HTATIP2: variants seen among roughly 807,000 people sequenced by gnomAD.
HTATIP2 encodes HIV-1 Tat interactive protein 2, also known as protein HTATIP2.
A neutral mutation model predicts 24.7 loss-of-function variants in HTATIP2; 26 were observed. The ratio of observed to expected loss-of-function variants is 1.05; its 90% CI spans 0.77 to 1.46. The LOEUF (loss-of-function observed/expected upper bound fraction) is 1.46. Ranked by LOEUF, HTATIP2 falls within the 40% of genes most tolerant of loss-of-function variation. The pLI is 0.00. For missense variants in HTATIP2, 284 were observed against 289.6 expected (o/e 0.98, Z 0.14); for synonymous variants, 99 against 113.2 (o/e 0.87, Z 0.79).
At chr11:20,381,018 G>C (rs1230386889) in intron 3 of HTATIP2, among the ~76,000 whole-genome samples, 1 of 152,176 alleles carries the variant, frequency 6.6e-6, no homozygotes, top group Non-Finnish European at 1.5e-5. Flanking sequence ...TAGGTCCCCA[G>C]AGGGTAGGGT....
chr11:20,366,203 G>A (rs1432216073), intron 1 of HTATIP2, among the ~76,000 whole-genome samples: 19 of 142,630 alleles, frequency 1.3e-4, no homozygotes, highest in African/African-American at 4.7e-4. Flanking sequence ...CTGGGTTCAC[G>A]CCATTCTCCT....
chr11:20,373,604 AAAC>A (rs908157082), intron 2 of HTATIP2, among the ~76,000 whole-genome samples: 4 of 152,204 alleles, frequency 2.6e-5, no homozygotes, highest in Admixed American at 6.5e-5. Flanking sequence ...AATCTTGCTA[AAAC>A]AACAACAACA....
intron 3 of HTATIP2, among the ~76,000 whole-genome samples, chr11:20,381,637 C>G (rs1261225672): frequency 6.6e-6 from 1 of 152,064 alleles, no homozygotes; most frequent in African/African-American, 2.4e-5. Flanking sequence ...GGGCTGAGCT[C>G]CTCAGGCATT....
intron 3 of HTATIP2, among the ~76,000 whole-genome samples, chr11:20,380,558 G>T (rs1366312475): frequency 1.3e-5 from 2 of 151,786 alleles, no homozygotes; most frequent in African/African-American, 2.4e-5. Context: ...TGTAGTCCCA[G>T]CTGCTCGGGA....
rs554721191 is a variant in HTATIP2 at position 20,370,033 on chromosome 11, A to G, written c.303+2752A>G. On this transcript the variant is annotated intron_variant, in intron 2 of 4. Transcript: ENST00000451739. The stretch of plus-strand genomic sequence containing the variant: ...GCACTGGCTCCCTGACTTGGCCCTG[A>G]TCCAGATCTACTGCATCAGCATCTC... 2.0e-5 allele frequency among the ~76,000 whole-genome samples: 3 copies of G among 152,326 alleles called. No individual in the cohort carries two copies. The South Asian group carries it at 6.2e-4, about 32-fold the overall frequency.
intron 1 of HTATIP2, among the ~76,000 whole-genome samples, chr11:20,365,985 A>G (rs1439130721): frequency 4.6e-5 from 7 of 151,290 alleles, no homozygotes; most frequent in East Asian, 1.9e-4. Flanking sequence ...AAAAAAAAAA[A>G]AAAAGAAAAG....
Position 20,364,201 on chromosome 11 carries a change from C to T in HTATIP2, c.-37C>T, listed in dbSNP as rs753694777. On this transcript the variant is annotated 5_prime_UTR_variant, in exon 1 of 5. Coordinates refer to ENST00000451739, the MANE Select transcript of HTATIP2 (RefSeq NM_001098522.2). ...GATAAGGACTGGCAGTCCCCTGACA[C>T]CCTAAGACCGGCATCTGTCGATGTT... 20 of 1,567,040 alleles carry T rather than the reference C, an allele frequency of 1.3e-5. No individual in the cohort carries two copies. The African/African-American group carries it at 2.6e-4, about 20-fold the overall frequency.
intron 2 of HTATIP2, among the ~76,000 whole-genome samples, chr11:20,370,038 G>T (rs1295796268): frequency 6.6e-6 from 1 of 152,184 alleles, no homozygotes; most frequent in Non-Finnish European, 1.5e-5. Flanking sequence ...CCCTGATCCA[G>T]ATCTACTGCA....
At chr11:20,364,472 T>A (rs759366963) in intron 1 of HTATIP2, 40 bp downstream of exon 1, 2 of 1,522,490 alleles carry the variant, frequency 1.3e-6, no homozygotes, top group Non-Finnish European at 9.0e-7. Flanking sequence ...CCCCCAGGAT[T>A]CTGCGAGGTG....
intron 2 of HTATIP2, among the ~76,000 whole-genome samples, chr11:20,371,419 G>GT (rs946434062): frequency 5.3e-5 from 8 of 151,990 alleles, no homozygotes; most frequent in African/African-American, 7.3e-5. Flanking sequence ...ACATTTTTCT[G>GT]TTTTTTTGAG....
At chr11:20,364,600 G>A (rs2133260760) in intron 1 of HTATIP2, among the ~76,000 whole-genome samples, 168 bp downstream of exon 1, 1 of 152,310 alleles carries the variant, frequency 6.6e-6, no homozygotes, top group African/African-American at 2.4e-5. Context: ...CTGACTCCTG[G>A]ATTGTAGCCC....
At position 20,380,411 on chromosome 11, in the gene HTATIP2, G is replaced by A. The variant is rs959552686; in HGVS notation, c.442-1767G>A. On this transcript the variant is annotated intron_variant, in intron 3 of 4. Coordinates refer to ENST00000451739, the MANE Select transcript of HTATIP2 (RefSeq NM_001098522.2). The stretch of plus-strand genomic sequence containing the variant: ...AAATGGGCTGGGCGCGGTGGCTCAC[G>A]CCTGTAATCCCAGCGCTTTGGGAGG... Among the ~76,000 whole-genome samples, 11 of 152,262 alleles carry A rather than the reference G, an allele frequency of 7.2e-5. No individual in the cohort carries two copies. In the East Asian group the frequency reaches 1.2e-3, roughly 16 times the overall value.
At chr11:20,364,989 T>G (rs969196320) in intron 1 of HTATIP2, among the ~76,000 whole-genome samples, 5 of 151,498 alleles carry the variant, frequency 3.3e-5, no homozygotes, top group Admixed American at 2.6e-4. Context: ...AAGGTTTTTT[T>G]TTTTTTTTTT....
rs901027066 is a variant in HTATIP2 at position 20,377,137 on chromosome 11, T to TTC, written c.441+421_441+422insCT. On this transcript the variant is annotated intron_variant, in intron 3 of 4. Coordinates refer to ENST00000451739, the MANE Select transcript of HTATIP2 (RefSeq NM_001098522.2). ...AGACTCAACTTTCTTTTCTTTTTTTTTTTTTTGAGACAGGTTCCCAGGCTG... is the reference window on the plus strand; with the variant it reads ...AGACTCAACTTTCTTTTCTTTTTTTTTCTTTTTTGAGACAGGTTCCCAGGCTG... Among the ~76,000 whole-genome samples, 15 of 151,606 alleles carry TTC rather than the reference T, an allele frequency of 9.9e-5. No homozygotes were observed. In the Middle Eastern group the frequency reaches 0.01, roughly 104 times the overall value.
In HTATIP2 at chr11:20,364,495, G is replaced by A. The variant is rs957802260; in HGVS notation, c.195+63G>A. On this transcript the variant is annotated intron_variant, in intron 1 of 4. Coordinates refer to ENST00000451739, the MANE Select transcript of HTATIP2 (RefSeq NM_001098522.2). ...ATTCTGCGAGGTGAACATATTTCAT[G>A]CCTAAAGGCTGAATACTGCCCTGCC... 6.4e-6 allele frequency: 9 copies of A among 1,406,706 alleles called. No individual in the cohort carries two copies. The African/African-American group carries it at 1.1e-4, about 18-fold the overall frequency. The allele number at this position is 1,406,706 out of a possible 1,614,324, so 87.1% of individuals were successfully genotyped here. A position where few individuals can be genotyped will look rare whatever the true frequency, so the allele number is the denominator to read the frequency against.
At position 20,363,714 on chromosome 11, in the gene HTATIP2, A is replaced by G; in HGVS notation, c.-524A>G. Reference sequence around the variant, plus strand: ...CCCGCCCCTGTGGGCGGGGCGAGGCAGCGTCGCCGCGAGGCCACCCGGAAG... The same window carrying G: ...CCCGCCCCTGTGGGCGGGGCGAGGCGGCGTCGCCGCGAGGCCACCCGGAAG... On this transcript the variant is annotated 5_prime_UTR_variant, in exon 1 of 5. Coordinates refer to ENST00000451739, the MANE Select transcript of HTATIP2 (RefSeq NM_001098522.2). The G allele has an allele frequency of 8.1e-7, 1 of 1,228,564 alleles. No homozygotes were observed. The highest frequency in any genetic ancestry group is 4.3e-5 in the South Asian group (1 of 23,496). The allele number at this position is 1,228,564 out of a possible 1,614,324, so 76.1% of individuals were successfully genotyped here.
intron 1 of HTATIP2, 45 bp downstream of exon 1, chr11:20,364,477 GA>G (rs777175252): frequency 6.7e-7 from 1 of 1,502,416 alleles, no homozygotes; most frequent in Admixed American, 1.9e-5. Context: ...AGGATTCTGC[GA>G]GGTGAACATA....
intron 3 of HTATIP2, among the ~76,000 whole-genome samples, chr11:20,379,837 A>T (rs1848493236): frequency 6.6e-6 from 1 of 152,152 alleles, no homozygotes; most frequent in Admixed American, 6.6e-5. Context: ...CCTCAAAGAC[A>T]CCCCCAAGTT....
intron 2 of HTATIP2, chr11:20,367,772 C>T: frequency 5.4e-6 from 3 of 558,990 alleles, no homozygotes; most frequent in Non-Finnish European, 7.0e-6. Context: ...ATGACTCAGC[C>T]TTCAGCGATG....
Sources: allele counts gnomAD v4.1 joint callset (sites outside exome capture counted in the v4.1 genomes callset), GRCh38; gene constraint gnomAD v4.1.1; transcripts MANE v1.5; gene names NCBI Gene and HGNC (gene_info 2026-07-23, HGNC 2026-07-21).